Variants in TENM4 observed in about 807,000 individuals in gnomAD.
TENM4 encodes the protein teneurin transmembrane protein 4.
In TENM4, 82 loss-of-function variants were observed where a neutral mutation model predicts 243.3. That is an observed-to-expected ratio of 0.34 (90% confidence interval 0.28 to 0.40). The LOEUF (loss-of-function observed/expected upper bound fraction) is 0.40, where lower values mean the gene tolerates loss of function less well. Ranked by LOEUF, TENM4 falls within the 10% of genes least tolerant of loss-of-function variation. The pLI, the probability that TENM4 is intolerant of heterozygous loss-of-function variation, is 1.00. For synonymous variants in TENM4, 1,412 were observed against 1,456.3 expected (o/e 0.97, Z 0.69); for missense variants, 3,138 against 3,673.3 (o/e 0.85, Z 3.77).
chr11:78,784,924 ATCT>A lies in TENM4; in HGVS notation c.2365+1971_2365+1973del, dbSNP rs1236304134. On this transcript the variant is annotated intron_variant, in intron 16 of 33. Coordinates refer to ENST00000278550, the MANE Select transcript of TENM4 (RefSeq NM_001098816.3). ...AGGTTCCCTAAGATGAGATGCGTTT[ATCT>A]TATAACATTTTTGTCCAACATTTGC... is the stretch of plus-strand genomic sequence containing the variant. Among the ~76,000 whole-genome samples, 3 of 152,164 alleles carry A rather than the reference ATCT, an allele frequency of 2.0e-5. No individual in the cohort carries two copies. The East Asian group carries it at 5.8e-4, about 29-fold the overall frequency.
chr11:78,676,524 C>T (rs538923771), intron 29 of TENM4, 137 bp from the exon 30 acceptor site: 17 of 536,366 alleles, frequency 3.2e-5, no homozygotes, highest in African/African-American at 7.5e-5. Flanking sequence ...CTGAAGAAAG[C>T]GAGGAAAATA....
At chr11:79,299,494 C>G (rs7926727) in intron 1 of TENM4, among the ~76,000 whole-genome samples, 2,246 of 152,278 alleles carry the variant, frequency 0.015, 57 homozygotes, top group African/African-American at 0.051. Flanking sequence ...GGGTCATCCT[C>G]TTTTGTTACA....
intron 6 of TENM4, among the ~76,000 whole-genome samples, chr11:79,008,562 G>C (rs1258963501): frequency 6.6e-6 from 1 of 152,112 alleles, no homozygotes; most frequent in Admixed American, 6.5e-5. Flanking sequence ...ACACTTTGAA[G>C]CCATGAAAGC....
At chr11:79,399,536 G>A (rs139743877) in intron 1 of TENM4, among the ~76,000 whole-genome samples, 179 of 152,226 alleles carry the variant, frequency 1.2e-3, no homozygotes, top group African/African-American at 4.1e-3. Context: ...ACTTGGAGGC[G>A]ATCTTGTCCA....
intron 7 of TENM4, 67 bp from the exon 8 acceptor site, chr11:78,891,403 A>C: frequency 7.0e-7 from 1 of 1,419,592 alleles, no homozygotes; most frequent in Non-Finnish European, 9.7e-7. Context: ...TAGTAGAGAA[A>C]CACACAAAGT....
intron 28 of TENM4, among the ~76,000 whole-genome samples, chr11:78,696,738 T>C (rs1858975668): frequency 6.6e-6 from 1 of 152,204 alleles, no homozygotes; most frequent in African/African-American, 2.4e-5. Context: ...TCTCTTTCCA[T>C]GTTCCTGCCG....
intron 29 of TENM4, among the ~76,000 whole-genome samples, chr11:78,676,778 T>G (rs1424092886): frequency 1.3e-5 from 2 of 152,250 alleles, no homozygotes; most frequent in African/African-American, 4.8e-5. Context: ...TTTAAGTTAT[T>G]TAACCAAGCC....
intron 6 of TENM4, among the ~76,000 whole-genome samples, chr11:78,928,672 T>C (rs1856604525): frequency 6.6e-6 from 1 of 152,248 alleles, no homozygotes; most frequent in South Asian, 2.1e-4. Flanking sequence ...AAATCTCGTT[T>C]TTCTCACAAT....
intron 2 of TENM4, among the ~76,000 whole-genome samples, chr11:79,232,212 C>T (rs1452986012): frequency 1.3e-5 from 2 of 152,258 alleles, no homozygotes; most frequent in Non-Finnish European, 2.9e-5. Context: ...CTTCAGGGTT[C>T]TGGGTCATGC....
intron 6 of TENM4, among the ~76,000 whole-genome samples, chr11:78,972,028 A>G (rs548464036): frequency 6.6e-6 from 1 of 152,356 alleles, no homozygotes; most frequent in African/African-American, 2.4e-5. Context: ...AAGACCAGTA[A>G]TCTTAGGGCA....
intron 12 of TENM4, among the ~76,000 whole-genome samples, chr11:78,834,895 T>A (rs1010500896): frequency 6.6e-6 from 1 of 152,172 alleles, no homozygotes; most frequent in African/African-American, 2.4e-5. Context: ...ACCCCTGCCT[T>A]TGCTGTACCT....
chr11:79,330,731 G>A (rs1857048465), intron 1 of TENM4, among the ~76,000 whole-genome samples: 1 of 152,200 alleles, frequency 6.6e-6, no homozygotes, highest in Non-Finnish European at 1.5e-5. Context: ...CCTCCTGGCA[G>A]ATGAGGAAAG....
intron 4 of TENM4, among the ~76,000 whole-genome samples, chr11:79,142,889 A>G (rs569179275): frequency 6.6e-6 from 1 of 152,050 alleles, no homozygotes; most frequent in South Asian, 2.1e-4. Flanking sequence ...GGGAAAGGAC[A>G]CTCTCTTCAG....
intron 6 of TENM4, among the ~76,000 whole-genome samples, chr11:78,982,545 C>T (rs1268634882): frequency 6.6e-6 from 1 of 152,082 alleles, no homozygotes; most frequent in Non-Finnish European, 1.5e-5. Context: ...TCATGCTGGG[C>T]CCTGCCCCTC....
At chr11:79,400,925 G>A (rs1262570053) in intron 1 of TENM4, among the ~76,000 whole-genome samples, 1 of 152,234 alleles carries the variant, frequency 6.6e-6, no homozygotes, top group Non-Finnish European at 1.5e-5. Flanking sequence ...TGTCAGGCAG[G>A]GGGCACTCTG....
chr11:78,813,389 C>T (rs924257021), intron 13 of TENM4, among the ~76,000 whole-genome samples: 3 of 152,204 alleles, frequency 2.0e-5, no homozygotes, highest in Admixed American at 2.0e-4. Flanking sequence ...CTGATAGAAG[C>T]TCCCTGTATT....
intron 25 of TENM4, among the ~76,000 whole-genome samples, chr11:78,720,099 T>G (rs1324978967): frequency 2.0e-5 from 3 of 152,218 alleles, no homozygotes; most frequent in Non-Finnish European, 4.4e-5. Flanking sequence ...GCATTCAAAT[T>G]ACTATTCCAA....
chr11:78,819,153 G>C (rs991772200), intron 12 of TENM4, among the ~76,000 whole-genome samples: 5 of 152,126 alleles, frequency 3.3e-5, no homozygotes, highest in African/African-American at 7.2e-5. Context: ...AGACAACAGT[G>C]CTTCTTCCCA....
chr11:79,416,439 G>A (rs374413435), intron 1 of TENM4, among the ~76,000 whole-genome samples: 56 of 152,084 alleles, frequency 3.7e-4, no homozygotes, highest in Non-Finnish European at 4.1e-4. Flanking sequence ...ATCTTGTGGC[G>A]GTTTTAATTT....
Sources: gnomAD v4.1 joint callset for allele counts (sites outside exome capture counted in the v4.1 genomes callset) on GRCh38, gnomAD v4.1.1 for gene constraint, MANE v1.5 for transcripts, NCBI Gene and HGNC (gene_info 2026-07-23, HGNC 2026-07-21) for gene names.